The following ZNF618 variants were observed in gnomAD, a reference collection of about 807,000 sequenced individuals.
ZNF618 encodes neural precursor cell expressed, developmentally down-regulated 10.
ZNF618 carries 34 observed loss-of-function variants against 103.0 expected under a neutral mutation model. That is an observed-to-expected ratio of 0.33 (90% CI 0.25 to 0.44). The LOEUF is 0.44. Ranked by LOEUF, ZNF618 falls within the 20% of genes least tolerant of loss-of-function variation. ZNF618 has a pLI of 1.00. For synonymous variants in ZNF618, 551 were observed against 542.2 expected (o/e 1.02, Z -0.23); for missense variants, 1,059 against 1,295.4 (o/e 0.82, Z 2.80).
chr9:113,964,680 C>T (rs1837192340), intron 1 of ZNF618, among the ~76,000 whole-genome samples: 1 of 149,532 alleles, frequency 6.7e-6, no homozygotes, highest in Non-Finnish European at 1.5e-5. Context: ...GAAATTTCAA[C>T]TTGTGAGAAT....
intron 1 of ZNF618, among the ~76,000 whole-genome samples, chr9:113,922,079 T>G (rs887396855): frequency 6.6e-6 from 1 of 152,234 alleles, no homozygotes; most frequent in African/African-American, 2.4e-5. Context: ...AAAACACATA[T>G]GACATGTACA....
At chr9:113,956,369 T>C (rs1330430616) in intron 1 of ZNF618, among the ~76,000 whole-genome samples, 1 of 152,164 alleles carries the variant, frequency 6.6e-6, no homozygotes, top group African/African-American at 2.4e-5. Flanking sequence ...TCAGAATCTT[T>C]CTCAACACAT....
At chr9:113,906,311 G>A (rs936224528) in intron 1 of ZNF618, among the ~76,000 whole-genome samples, 1 of 152,164 alleles carries the variant, frequency 6.6e-6, no homozygotes, top group African/African-American at 2.4e-5. Flanking sequence ...GCTCCATAAA[G>A]TGCTGGGAAG....
At chr9:114,005,347 C>T (rs1841641075) in intron 6 of ZNF618, among the ~76,000 whole-genome samples, 1 of 152,186 alleles carries the variant, frequency 6.6e-6, no homozygotes, top group African/African-American at 2.4e-5. Context: ...TTGGGGATAA[C>T]CCTCTTGGCC....
chr9:113,925,160 T>C (rs1458537260), intron 1 of ZNF618, among the ~76,000 whole-genome samples: 1 of 152,114 alleles, frequency 6.6e-6, no homozygotes, highest in Non-Finnish European at 1.5e-5. Flanking sequence ...GTTCTGTTTT[T>C]GCTTCACATA....
At chr9:113,884,052 C>T (rs1828810480) in intron 1 of ZNF618, among the ~76,000 whole-genome samples, 1 of 131,214 alleles carries the variant, frequency 7.6e-6, no homozygotes, top group African/African-American at 2.9e-5. Context: ...ACATCTGGAA[C>T]TCTGACTTAG....
chr9:114,027,577 C>T (rs1333296988), intron 10 of ZNF618, among the ~76,000 whole-genome samples: 1 of 152,200 alleles, frequency 6.6e-6, no homozygotes, highest in Non-Finnish European at 1.5e-5. Context: ...GGCCCTGCAT[C>T]CTGCTTCTTT....
At chr9:114,004,196 C>T (rs548232748) in intron 6 of ZNF618, among the ~76,000 whole-genome samples, 81 of 152,338 alleles carry the variant, frequency 5.3e-4, no homozygotes, top group Middle Eastern at 3.4e-3. Context: ...TCATCCACTC[C>T]GTTTGGATTC....
chr9:114,010,677 C>G (rs1373007614), intron 9 of ZNF618, among the ~76,000 whole-genome samples: 1 of 152,216 alleles, frequency 6.6e-6, no homozygotes, highest in Non-Finnish European at 1.5e-5. Context: ...GCACTCCAGC[C>G]TGGTGACAGA....
chr9:113,913,126 C>T (rs1008495471), intron 1 of ZNF618, among the ~76,000 whole-genome samples: 1 of 152,156 alleles, frequency 6.6e-6, no homozygotes, highest in African/African-American at 2.4e-5. Flanking sequence ...ACCGCTGCCA[C>T]GTGTAAGAGC....
intron 2 of ZNF618, among the ~76,000 whole-genome samples, chr9:113,987,544 G>T (rs1343004181): frequency 6.6e-6 from 1 of 152,178 alleles, no homozygotes; most frequent in African/African-American, 2.4e-5. Flanking sequence ...AAGCAGGAGC[G>T]GGGAAGAGCC....
chr9:114,015,665 G>A (rs1842587695), intron 9 of ZNF618, among the ~76,000 whole-genome samples: 2 of 152,162 alleles, frequency 1.3e-5, no homozygotes, highest in South Asian at 4.1e-4. Flanking sequence ...AAATTAATGG[G>A]TGAATGTGCA....
At position 114,052,244 on chromosome 9, in the gene ZNF618, C is replaced by G. The variant is rs1055632505; in HGVS notation, c.*2077C>G. 3 of 152,630 alleles carry G rather than the reference C, an allele frequency of 2.0e-5. No homozygotes were observed. The highest frequency in any genetic ancestry group is 7.2e-5 in the African/African-American group (3 of 41,428). The allele number at this position is 152,630 out of a possible 1,614,324, so 9.5% of individuals were successfully genotyped here. A position where few individuals can be genotyped will look rare whatever the true frequency, so the allele number is the denominator to read the frequency against. On this transcript the variant is annotated 3_prime_UTR_variant, in exon 15 of 15. Coordinates refer to ENST00000374126, the MANE Select transcript of ZNF618 (RefSeq NM_001318042.2). ...CACACTTTGCCTCATGAGAACTCAC[C>G]CAGCTCTCCCCTTGAAACTTGGACA...
At chr9:113,987,031 T>G (rs1467194486) in intron 2 of ZNF618, among the ~76,000 whole-genome samples, 1 of 152,172 alleles carries the variant, frequency 6.6e-6, no homozygotes, top group Admixed American at 6.5e-5. Context: ...AATGCTGGCA[T>G]TCTCTGTTTT....
intron 13 of ZNF618, 78 bp from the exon 14 acceptor site, chr9:114,047,815 C>T: frequency 1.6e-6 from 2 of 1,275,902 alleles, no homozygotes; most frequent in Non-Finnish European, 2.2e-6. Flanking sequence ...TGTTACCCAC[C>T]ACACTCTAGT....
At chr9:113,931,629 G>A (rs904626541) in intron 1 of ZNF618, among the ~76,000 whole-genome samples, 19 of 152,274 alleles carry the variant, frequency 1.2e-4, no homozygotes, top group African/African-American at 4.6e-4. Flanking sequence ...AAGCCACATG[G>A]GGCTGTTGAG....
At chr9:113,914,697 G>A (rs369831695) in intron 1 of ZNF618, among the ~76,000 whole-genome samples, 1 of 152,160 alleles carries the variant, frequency 6.6e-6, no homozygotes, top group African/African-American at 2.4e-5. Flanking sequence ...CATCTTTTCT[G>A]TTCCAAACGG....
chr9:113,900,646 G>C (rs1198677544), intron 1 of ZNF618, among the ~76,000 whole-genome samples: 199 of 87,792 alleles, frequency 2.3e-3, no homozygotes, highest in African/African-American at 7.3e-3. Flanking sequence ...GCGAACCCGA[G>C]CTCCCGTCTC....
chr9:113,932,450 A>C (rs12343628), intron 1 of ZNF618, among the ~76,000 whole-genome samples: 75,505 of 151,882 alleles, frequency 0.5, 19,126 homozygotes, highest in Non-Finnish European at 0.55. Context: ...TCCAATTTAC[A>C]TTTTAAGAGG....
Sources: allele counts gnomAD v4.1 joint callset (sites outside exome capture counted in the v4.1 genomes callset), GRCh38; gene constraint gnomAD v4.1.1; transcripts MANE v1.5; gene names NCBI Gene and HGNC (gene_info 2026-07-23, HGNC 2026-07-21).